The following PF4V1 variants were observed in gnomAD, a reference collection of about 807,000 sequenced individuals.
The protein encoded by PF4V1 is platelet factor 4 variant 1, also known as platelet factor 4 variant.
In PF4V1, 4 loss-of-function variants were observed where a neutral mutation model predicts 6.9. The observed-to-expected ratio is 0.58, with a 90% confidence interval of 0.29 to 1.34. The LOEUF is 1.34. Ranked by LOEUF, PF4V1 falls within the 40% of genes most tolerant of loss-of-function variation. PF4V1 has a pLI of 0.09. For missense variants in PF4V1, 127 were observed against 128.6 expected, an observed-to-expected ratio of 0.99 and a Z score of 0.06; for synonymous variants, 68 against 55.9, an observed-to-expected ratio of 1.22 and a Z score of -0.97.
rs745450739 is a variant in PF4V1, at chr4:73,853,334, T to C, written c.-29T>C. The C allele has an allele frequency of 4.4e-6, 7 of 1,596,062 alleles. No homozygotes were observed. The highest frequency in any genetic ancestry group is 1.7e-4 in the Middle Eastern group (1 of 6,038). ...CCCCAGCCCGACTTTCCCTGCGCAC[T>C]GGGATCCTGCTGGAACCTCAGCTGC... On this transcript the variant is annotated 5_prime_UTR_variant, in exon 1 of 3. Transcript: ENST00000226524.
Position 73,853,817 on chromosome 4 carries a change from G to T in PF4V1, c.135G>T (p.Leu45=). Residue 45 remains leucine, a synonymous_variant, in exon 2 of 3, where the codon CTG becomes CTT. Coordinates refer to ENST00000226524, the MANE Select transcript of PF4V1 (RefSeq NM_002620.4). ...AAGAAGATGGGGACCTGCAGTGCCTGTGTGTGAAGACCACCTCCCAGGTCC... is the reference window on the plus strand; with the variant it reads ...AAGAAGATGGGGACCTGCAGTGCCTTTGTGTGAAGACCACCTCCCAGGTCC... The part of the protein sequence containing the change: ...EAEEDGDLQC[L]CVKTTSQVRP... 2 of 1,613,158 alleles carry T rather than the reference G, an allele frequency of 1.2e-6. No homozygotes were observed. Among genetic ancestry groups the T allele is most frequent in the Non-Finnish European group, 1.7e-6 (2 of 1,179,572 alleles).
At chr4:73,853,655 G>A (rs897985726) in intron 1 of PF4V1, 128 bp from the exon 2 acceptor site, 4 of 1,361,866 alleles carry the variant, frequency 2.9e-6, no homozygotes, top group African/African-American at 1.4e-5. Context: ...GTCTGAGAGA[G>A]GTCTGATTTA....
chr4:73,854,423 C>G lies in PF4V1; in HGVS notation c.*301C>G, dbSNP rs993757243. ...ATGTGATTGCAGTACTTTATAGCTA[C>G]ATATTTACCTTGAATGTTACAATTA... is the stretch of plus-strand genomic sequence containing the variant. On this transcript the variant is annotated 3_prime_UTR_variant, in exon 3 of 3. Coordinates refer to ENST00000226524, the MANE Select transcript of PF4V1 (RefSeq NM_002620.4). 6.6e-6 allele frequency among the ~76,000 whole-genome samples: 1 copy of G among 151,502 alleles called. No individual in the cohort carries two copies. The highest frequency in any genetic ancestry group is 2.4e-5 in the African/African-American group (1 of 41,226).
At chr4:73,853,966 C>T (rs1560516877) in intron 2 of PF4V1, 57 bp downstream of exon 2, 2 of 1,607,106 alleles carry the variant, frequency 1.2e-6, no homozygotes, top group African/African-American at 1.4e-5. Flanking sequence ...TCTGCCCATC[C>T]CTCCCCCTTC....
At chr4:73,853,708 A>G in intron 1 of PF4V1, 75 bp from the exon 2 acceptor site, 1 of 1,519,972 alleles carries the variant, frequency 6.6e-7, no homozygotes, top group Admixed American at 2.0e-5. Context: ...AAAGGTCCCT[A>G]AAGTATCTCT....
rs1443269669 is a variant in PF4V1 at position 73,854,113 on chromosome 4, G to A, written c.306G>A (p.Leu102=). The A allele has an allele frequency of 6.2e-7, 1 of 1,612,982 alleles. No individual in the cohort carries two copies. The highest frequency in any genetic ancestry group is 1.3e-5 in the African/African-American group (1 of 74,906). The change falls in exon 3 of 3, where the codon TTG becomes TTA. Residue 102 remains leucine, a synonymous_variant. Transcript: ENST00000226524. ...ACAAGAAAATCATTAAGGAACATTT[G>A]GAGAGTTAGCTACTAGCTGCCTAAG... ...LLYKKIIKEH[L]ES
chr4:73,853,306 G>A lies in PF4V1; in HGVS notation c.-57G>A, dbSNP rs1731464148. 1 of 1,410,886 alleles carries A rather than the reference G, an allele frequency of 7.1e-7. No individual in the cohort carries two copies. Among genetic ancestry groups the A allele is most frequent in the Admixed American group, 1.7e-5 (1 of 59,526 alleles). The allele number at this position is 1,410,886 out of a possible 1,614,324, so 87.4% of individuals were successfully genotyped here. ...GTGAGGCCAGGAGTCACTGCCTGCA[G>A]AACCCCAGCCCGACTTTCCCTGCGC... On this transcript the variant is annotated 5_prime_UTR_variant, in exon 1 of 3. Transcript: ENST00000226524.
intron 1 of PF4V1, 100 bp from the exon 2 acceptor site, chr4:73,853,683 G>A (rs1480840250): frequency 2.0e-5 from 29 of 1,456,494 alleles, no homozygotes; most frequent in Admixed American, 6.4e-5. Flanking sequence ...GGAAAAGAAA[G>A]CTGAAGGTAG....
At chr4:73,853,498 G>A (rs913727603) in intron 1 of PF4V1, 36 bp downstream of exon 1, 16 of 1,567,616 alleles carry the variant, frequency 1.0e-5, no homozygotes, top group Non-Finnish European at 1.4e-5. Context: ...GGCCAGCAGC[G>A]GCGAGGGGGA....
chr4:73,853,506 G>C (rs1222655296), intron 1 of PF4V1, 44 bp downstream of exon 1: 4 of 1,555,386 alleles, frequency 2.6e-6, no homozygotes, highest in Non-Finnish European at 3.5e-6. Flanking sequence ...GCGGCGAGGG[G>C]GAGTCCGGGA....
Position 73,853,874 on chromosome 4 carries a change from C to G in PF4V1, c.192C>G (p.Ile64Met), listed in dbSNP as rs372559874. 1 of 1,612,506 alleles carries G rather than the reference C, an allele frequency of 6.2e-7. No homozygotes were observed. Among genetic ancestry groups the G allele is most frequent in the Non-Finnish European group, 8.5e-7 (1 of 1,179,628 alleles). ...RPRHITSLEV[I>M]KAGPHCPTAQ... Reference sequence around the variant, plus strand: ...GGCACATCACCAGCCTGGAGGTGATCAAGGCCGGACCCCACTGCCCCACTG... The same window carrying G: ...GGCACATCACCAGCCTGGAGGTGATGAAGGCCGGACCCCACTGCCCCACTG... The change falls in exon 2 of 3, where the codon ATC becomes ATG. Residue 64 changes from isoleucine (I) to methionine (M), a missense_variant. Coordinates refer to ENST00000226524, the MANE Select transcript of PF4V1 (RefSeq NM_002620.4).
intron 1 of PF4V1, 37 bp downstream of exon 1, chr4:73,853,499 G>T (rs751840744): frequency 4.5e-6 from 7 of 1,565,220 alleles, no homozygotes; most frequent in Non-Finnish European, 5.2e-6. Flanking sequence ...GCCAGCAGCG[G>T]CGAGGGGGAG....
rs368211122 is a variant in PF4V1, at chr4:73,854,133, C to T, written c.*11C>T. 9.5e-6 allele frequency: 15 copies of T among 1,579,562 alleles called. No individual in the cohort carries two copies. In the African/African-American group the frequency reaches 1.7e-4, roughly 18 times the overall value. Reference sequence around the variant, plus strand: ...CATTTGGAGAGTTAGCTACTAGCTGCCTAAGTGTGCACTTTCAATCTAACT... The same window carrying T: ...CATTTGGAGAGTTAGCTACTAGCTGTCTAAGTGTGCACTTTCAATCTAACT... On this transcript the variant is annotated 3_prime_UTR_variant, in exon 3 of 3. Transcript: ENST00000226524.
Position 73,854,274 on chromosome 4 carries a change from A to G in PF4V1, c.*152A>G. The G allele has an allele frequency of 1.7e-6, 1 of 599,990 alleles. No individual in the cohort carries two copies. Among genetic ancestry groups the G allele is most frequent in the Non-Finnish European group, 2.9e-6 (1 of 350,564 alleles). 37.2% of individuals were successfully genotyped at this position (599,990 alleles called of 1,614,324 possible). A position where few individuals can be genotyped will look rare whatever the true frequency, so the allele number is the denominator to read the frequency against. ...AATACTGCAAAAATAATGCTGACAC[A>G]TCACAATTTCATATTTTAAAATTTC... is the stretch of plus-strand genomic sequence containing the variant. On this transcript the variant is annotated 3_prime_UTR_variant, in exon 3 of 3. Coordinates refer to ENST00000226524, the MANE Select transcript of PF4V1 (RefSeq NM_002620.4).
chr4:73,853,550 A>G (rs1469584545), intron 1 of PF4V1, 88 bp downstream of exon 1: 7 of 1,475,024 alleles, frequency 4.7e-6, no homozygotes, highest in East Asian at 2.5e-5. Context: ...CTCTAGGATC[A>G]TGATCGCAGC....
intron 2 of PF4V1, 23 bp from the exon 3 acceptor site, chr4:73,854,012 G>T (rs2233654): frequency 5.9e-5 from 95 of 1,612,644 alleles, no homozygotes; most frequent in Non-Finnish European, 7.5e-5. Context: ...TGAAAGTCAC[G>T]TCTCTTCTCT....
In PF4V1 at chr4:73,853,317, C is replaced by T. The variant is rs1294208972; in HGVS notation, c.-46C>T. The T allele has an allele frequency of 1.3e-6, 2 of 1,518,990 alleles. No individual in the cohort carries two copies. Among genetic ancestry groups the T allele is most frequent in the Non-Finnish European group, 1.8e-6 (2 of 1,093,964 alleles). The allele number at this position is 1,518,990 out of a possible 1,614,324, so 94.1% of individuals were successfully genotyped here. ...AGTCACTGCCTGCAGAACCCCAGCCCGACTTTCCCTGCGCACTGGGATCCT... is the reference window on the plus strand; with the variant it reads ...AGTCACTGCCTGCAGAACCCCAGCCTGACTTTCCCTGCGCACTGGGATCCT... On this transcript the variant is annotated 5_prime_UTR_variant, in exon 1 of 3. Transcript: ENST00000226524.
chr4:73,854,243 C>A lies in PF4V1; in HGVS notation c.*121C>A. 1.5e-6 allele frequency: 1 copy of A among 662,136 alleles called. No individual in the cohort carries two copies. Among genetic ancestry groups the A allele is most frequent in the South Asian group, 2.3e-5 (1 of 44,016 alleles). The allele number at this position is 662,136 out of a possible 1,614,324, so 41.0% of individuals were successfully genotyped here. ...AAGTTGTGGTATAGTCAATCTATTT[C>A]TTAATAATACTGCAAAAATAATGCT... On this transcript the variant is annotated 3_prime_UTR_variant, in exon 3 of 3. Coordinates refer to ENST00000226524, the MANE Select transcript of PF4V1 (RefSeq NM_002620.4).
In PF4V1 at chr4:73,853,342, T is replaced by C. The variant is rs1424016807; in HGVS notation, c.-21T>C. Reference sequence around the variant, plus strand: ...CGACTTTCCCTGCGCACTGGGATCCTGCTGGAACCTCAGCTGCAACATGAG... The same window carrying C: ...CGACTTTCCCTGCGCACTGGGATCCCGCTGGAACCTCAGCTGCAACATGAG... On this transcript the variant is annotated 5_prime_UTR_variant, in exon 1 of 3. Coordinates refer to ENST00000226524, the MANE Select transcript of PF4V1 (RefSeq NM_002620.4). The C allele has an allele frequency of 6.2e-7, 1 of 1,608,258 alleles. No individual in the cohort carries two copies. Among genetic ancestry groups the C allele is most frequent in the South Asian group, 1.1e-5 (1 of 90,878 alleles).
Sources: gnomAD v4.1 joint callset for allele counts (sites outside exome capture counted in the v4.1 genomes callset) on GRCh38, gnomAD v4.1.1 for gene constraint, MANE v1.5 for transcripts, NCBI Gene and HGNC (gene_info 2026-07-23, HGNC 2026-07-21) for gene names.